Variants in PSG3 observed in about 807,000 individuals in gnomAD.
PSG3 encodes pregnancy-specific beta-1-glycoprotein 3.
Under a neutral mutation model 47.5 loss-of-function variants are expected in PSG3, and 61 were observed. The ratio of observed to expected loss-of-function variants is 1.28; its 90% CI spans 1.05 to 1.59. The LOEUF is 1.59. PSG3 is among the 40% of genes most tolerant of loss of function. The pLI, the probability that PSG3 is intolerant of heterozygous loss-of-function variation, is 0.00. For missense variants in PSG3, 756 were observed against 524.0 expected (o/e 1.44, Z -4.32); for synonymous variants, 263 against 198.4 (o/e 1.33, Z -2.74).
At position 42,729,153 on chromosome 19, in the gene PSG3, T is replaced by G. The variant is rs778517713; in HGVS notation, c.1213A>C (p.Ser405Arg). Reference protein sequence around the residue: ...SVRNSATGMESSKSMTVKVSA... With the variant: ...SVRNSATGMERSKSMTVKVSA... The stretch of plus-strand genomic sequence containing the variant: ...ACTTTGACTGTCATGGATTTGGAGC[T>G]TTCCATGCCAGTGGCTGAGTTACGA... The change falls in exon 5 of 7, where the codon AGC (serine) becomes CGC (arginine). Residue 405 changes from serine to arginine, a missense_variant. Ser to Arg is a moderately radical substitution (Grantham distance 110). Transcript: ENST00000327495. The G allele has an allele frequency of 2.5e-6, 4 of 1,613,998 alleles. No homozygotes were observed. In the African/African-American group the frequency reaches 5.3e-5, roughly 22 times the overall value.
intron 5 of PSG3, among the ~76,000 whole-genome samples, chr19:42,728,717 C>G (rs944324992): frequency 2.6e-5 from 4 of 152,218 alleles, no homozygotes; most frequent in African/African-American, 7.2e-5. Context: ...GGAAAAGTGT[C>G]AGCTTGTTTC....
rs930444980 is a variant in PSG3 at position 42,740,457 on chromosome 19, C to A, written c.-73G>T. 4.2e-5 allele frequency: 67 copies of A among 1,612,774 alleles called. 1 individual carries two copies. The East Asian group carries it at 8.0e-4, about 19-fold the overall frequency. ...CCAGAAACTTCCTGAGCATGGCTCT[C>A]AGCTGTGCTGTCCTTCCTCCTTCTG... is the stretch of plus-strand genomic sequence containing the variant. On this transcript the variant is annotated 5_prime_UTR_variant, in exon 1 of 7. Transcript: ENST00000327495.
rs767985335 is a variant in PSG3, at chr19:42,729,188, G to T, written c.1178C>A (p.Ala393Asp). Residue 393 changes from alanine to aspartate, a missense_variant, in exon 5 of 7, where the codon GCT (alanine) becomes GAT (aspartate). Transcript: ENST00000327495. Reference protein sequence around the residue: ...QITTKHSGLYACSVRNSATGM... With the variant: ...QITTKHSGLYDCSVRNSATGM... ...AGTGGCTGAGTTACGAACAGAGCAA[G>T]CATAGAGCCCGCTATGCTTTGTAGT... The T allele has an allele frequency of 6.8e-6, 11 of 1,613,898 alleles. No homozygotes were observed. In the East Asian group the frequency reaches 2.2e-4, roughly 33 times the overall value.
chr19:42,729,095 A>T (rs781555083), intron 5 of PSG3, 28 bp downstream of exon 5: 2 of 1,613,854 alleles, frequency 1.2e-6, no homozygotes, highest in Non-Finnish European at 1.7e-6. Context: ...CTAAAACTCT[A>T]TTGCCAAGCA....
At chr19:42,727,282 C>A (rs954810046) in intron 5 of PSG3, among the ~76,000 whole-genome samples, 4 of 152,098 alleles carry the variant, frequency 2.6e-5, no homozygotes, top group African/African-American at 9.7e-5. Context: ...AAAATCAAAA[C>A]CTTTTATATA....
At chr19:42,739,206 A>C (rs1251891163) in intron 1 of PSG3, 117 bp from the exon 2 acceptor site, 47 of 1,371,370 alleles carry the variant, frequency 3.4e-5, no homozygotes, top group Admixed American at 1.3e-4. Flanking sequence ...ACACACACAC[A>C]CACATACAAA....
At chr19:42,725,141 G>T (rs899824182) in intron 5 of PSG3, among the ~76,000 whole-genome samples, 1 of 152,184 alleles carries the variant, frequency 6.6e-6, no homozygotes. Flanking sequence ...TCATATAGCA[G>T]CTGACATTGG....
intron 6 of PSG3, among the ~76,000 whole-genome samples, chr19:42,723,413 C>G (rs1969327191): frequency 6.6e-6 from 1 of 152,050 alleles, no homozygotes; most frequent in Non-Finnish European, 1.5e-5. Context: ...AGGAATTATA[C>G]TAGGAAGTAG....
In PSG3 at chr19:42,738,553, C is replaced by T. The variant is rs576350953; in HGVS notation, c.430+171G>A. ...AGGGTCTGGATGCGGGAAAGGAATTCTGATCTGTTGAAATTTGTCTCTTCT... is the reference window on the plus strand; with the variant it reads ...AGGGTCTGGATGCGGGAAAGGAATTTTGATCTGTTGAAATTTGTCTCTTCT... On this transcript the variant is annotated intron_variant, in intron 2 of 6. Transcript: ENST00000327495. Among the ~76,000 whole-genome samples, 10 of 152,302 alleles carry T rather than the reference C, an allele frequency of 6.6e-5. No homozygotes were observed. In the South Asian group the frequency reaches 1.7e-3, roughly 25 times the overall value.
At chr19:42,728,527 C>T (rs1969411569) in intron 5 of PSG3, among the ~76,000 whole-genome samples, 1 of 152,172 alleles carries the variant, frequency 6.6e-6, no homozygotes, top group African/African-American at 2.4e-5. Context: ...GGCTTGGCTT[C>T]AACTGGCAAC....
intron 5 of PSG3, among the ~76,000 whole-genome samples, chr19:42,727,560 C>T (rs763536545): frequency 1.3e-5 from 2 of 152,158 alleles, no homozygotes; most frequent in African/African-American, 4.8e-5. Flanking sequence ...CACATTGTTA[C>T]ACCACCTCAC....
chr19:42,740,454 T>C lies in PSG3; in HGVS notation c.-70A>G, dbSNP rs1445833940. On this transcript the variant is annotated 5_prime_UTR_variant, in exon 1 of 7. Coordinates refer to ENST00000327495, the MANE Select transcript of PSG3 (RefSeq NM_021016.4). ...GATCCAGAAACTTCCTGAGCATGGC[T>C]CTCAGCTGTGCTGTCCTTCCTCCTT... 6.2e-7 allele frequency: 1 copy of C among 1,613,154 alleles called. No homozygotes were observed. The highest frequency in any genetic ancestry group is 2.2e-5 in the East Asian group (1 of 44,886).
At chr19:42,734,969 G>C (rs116764925) in intron 2 of PSG3, among the ~76,000 whole-genome samples, 2,460 of 152,296 alleles carry the variant, frequency 0.016, 33 homozygotes, top group African/African-American at 0.028. Context: ...GTCTAAGTGA[G>C]ATGCCAATGG....
chr19:42,737,459 G>A (rs1969584329), intron 2 of PSG3, among the ~76,000 whole-genome samples: 1 of 152,170 alleles, frequency 6.6e-6, no homozygotes, highest in South Asian at 2.1e-4. Flanking sequence ...TCTTGTGACA[G>A]TGACATGGAC....
chr19:42,735,827 G>A (rs1231334457), intron 2 of PSG3, among the ~76,000 whole-genome samples: 1 of 152,238 alleles, frequency 6.6e-6, no homozygotes, highest in Non-Finnish European at 1.5e-5. Flanking sequence ...TGAGGATGGA[G>A]TCACAAGTGA....
intron 2 of PSG3, among the ~76,000 whole-genome samples, chr19:42,734,384 G>C (rs7256264): frequency 2.0e-5 from 3 of 152,048 alleles, no homozygotes; most frequent in Non-Finnish European, 4.4e-5. Flanking sequence ...TGGTCAGAAG[G>C]GTTGAGTTTT....
chr19:42,729,469 A>T (rs1969433803), intron 4 of PSG3, 92 bp from the exon 5 acceptor site: 1 of 1,532,296 alleles, frequency 6.5e-7, no homozygotes, highest in East Asian at 2.3e-5. Context: ...CCTCTGAGCC[A>T]AGACACACCC....
At chr19:42,738,137 G>A (rs1430429443) in intron 2 of PSG3, among the ~76,000 whole-genome samples, 2 of 152,200 alleles carry the variant, frequency 1.3e-5, no homozygotes, top group African/African-American at 4.8e-5. Flanking sequence ...CACTCTGAGT[G>A]TCAGGTGAAG....
intron 2 of PSG3, chr19:42,733,996 C>T (rs1164727603): frequency 3.3e-5 from 5 of 152,170 alleles, no homozygotes; most frequent in Admixed American, 1.3e-4. Flanking sequence ...CAGATACTTT[C>T]TCTCATTAGA....
Sources: allele counts gnomAD v4.1 joint callset (sites outside exome capture counted in the v4.1 genomes callset), GRCh38; gene constraint gnomAD v4.1.1; transcripts MANE v1.5; gene names NCBI Gene and HGNC (gene_info 2026-07-23, HGNC 2026-07-21).